SGCZ: variants seen among roughly 807,000 people sequenced by gnomAD.
The protein encoded by SGCZ is zeta-sarcoglycan.
In SGCZ, 40 loss-of-function variants were observed where a neutral mutation model predicts 41.3. The ratio of observed to expected loss-of-function variants is 0.97; its 90% CI spans 0.75 to 1.26. The LOEUF is 1.26. Among genes scored for constraint, SGCZ ranks in the 50% most tolerant of loss-of-function variants. The pLI, the probability that SGCZ is intolerant of heterozygous loss-of-function variation, is 0.00. For missense variants in SGCZ, 552 were observed against 369.8 expected, an observed-to-expected ratio of 1.49 and a Z score of -4.04; for synonymous variants, 206 against 137.5, an observed-to-expected ratio of 1.50 and a Z score of -3.49.
chr8:15,235,956 C>T (rs1030142733), intron 1 of SGCZ, among the ~76,000 whole-genome samples: 2 of 152,138 alleles, frequency 1.3e-5, no homozygotes, highest in African/African-American at 4.8e-5. Context: ...GGAATCTTTG[C>T]AAACATAAAG....
chr8:14,592,662 A>G (rs574017185), intron 1 of SGCZ, among the ~76,000 whole-genome samples: 3 of 152,228 alleles, frequency 2.0e-5, no homozygotes, highest in East Asian at 1.9e-4. Flanking sequence ...ATTAATAGTA[A>G]TAAAATTTCT....
intron 1 of SGCZ, among the ~76,000 whole-genome samples, chr8:14,723,911 T>C (rs532208294): frequency 6.6e-6 from 1 of 152,194 alleles, no homozygotes; most frequent in South Asian, 2.1e-4. Context: ...ATTGCCTTTA[T>C]AGCAACACAC....
intron 1 of SGCZ, among the ~76,000 whole-genome samples, chr8:14,585,948 T>C (rs759479481): frequency 1.1e-4 from 17 of 151,856 alleles, no homozygotes; most frequent in South Asian, 2.1e-4. Flanking sequence ...CAAAGAACAA[T>C]ATCAAAGAAA....
chr8:14,371,512 T>G (rs1193964644), intron 2 of SGCZ, among the ~76,000 whole-genome samples: 2 of 145,562 alleles, frequency 1.4e-5, no homozygotes, highest in Non-Finnish European at 3.2e-5. Flanking sequence ...AAATTTCGTA[T>G]GTAAATATAA....
intron 1 of SGCZ, among the ~76,000 whole-genome samples, chr8:14,897,898 G>A (rs1805260307): frequency 6.6e-6 from 1 of 152,078 alleles, no homozygotes; most frequent in South Asian, 2.1e-4. Flanking sequence ...CTATGTAGAA[G>A]GCACTATCCA....
At chr8:15,151,094 C>T (rs268380) in intron 1 of SGCZ, among the ~76,000 whole-genome samples, 13,472 of 152,318 alleles carry the variant, frequency 0.088, 782 homozygotes, top group South Asian at 0.13. Flanking sequence ...GCACACACTT[C>T]GCTGGAGCGG....
chr8:14,245,690 T>A (rs912278702), intron 3 of SGCZ, among the ~76,000 whole-genome samples: 9 of 152,070 alleles, frequency 5.9e-5, no homozygotes, highest in Non-Finnish European at 1.2e-4. Flanking sequence ...TTTCACAACC[T>A]ACTCATCTGA....
At position 15,226,327 on chromosome 8, in the gene SGCZ, A is replaced by G. The variant is rs547835996; in HGVS notation, c.39+11258T>C. Among the ~76,000 whole-genome samples the G allele has an allele frequency of 3.3e-5, 5 of 152,338 alleles. No individual in the cohort carries two copies. The East Asian group carries it at 9.7e-4, about 29-fold the overall frequency. Reference sequence around the variant, plus strand: ...TCTGACCAAACTGTCAAAAATACAGAAAATCAGCTAAGGAGATTGTTAAGC... The same window carrying G: ...TCTGACCAAACTGTCAAAAATACAGGAAATCAGCTAAGGAGATTGTTAAGC... On this transcript the variant is annotated intron_variant, in intron 1 of 7. Coordinates refer to ENST00000382080, the MANE Select transcript of SGCZ (RefSeq NM_139167.4).
At chr8:14,179,531 T>G (rs1260482842) in intron 4 of SGCZ, among the ~76,000 whole-genome samples, 1 of 152,146 alleles carries the variant, frequency 6.6e-6, no homozygotes, top group Non-Finnish European at 1.5e-5. Flanking sequence ...TTTGCCCACC[T>G]CAGTCTCCCT....
intron 2 of SGCZ, among the ~76,000 whole-genome samples, chr8:14,442,723 C>T (rs1248096118): frequency 6.6e-6 from 1 of 152,160 alleles, no homozygotes; most frequent in Non-Finnish European, 1.5e-5. Flanking sequence ...GTTTCTCCAA[C>T]ATCTTCTGAT....
At position 14,086,408 on chromosome 8, in the gene SGCZ, A is replaced by G. The variant is rs1315736014; in HGVS notation, c.*4035T>C. On this transcript the variant is annotated 3_prime_UTR_variant, in exon 8 of 8. Coordinates refer to ENST00000382080, the MANE Select transcript of SGCZ (RefSeq NM_139167.4). ...ATTTATTAGGAGTTTTATTGTATCA[A>G]ATGCTATTTTTGTAAAACGAGGCAT... Among the ~76,000 whole-genome samples, 1 of 151,654 alleles carries G rather than the reference A, an allele frequency of 6.6e-6. No individual in the cohort carries two copies. Among genetic ancestry groups the G allele is most frequent in the Non-Finnish European group, 1.5e-5 (1 of 67,732 alleles).
rs10888084 is a variant in SGCZ, at chr8:14,128,575, A to C, written c.548-20340T>G. ...GTATCTACCTAAGGGAAAGTAAATC[A>C]TTTTATCAAAAATACTTGTAACTAC... On this transcript the variant is annotated intron_variant, in intron 5 of 7. Coordinates refer to ENST00000382080, the MANE Select transcript of SGCZ (RefSeq NM_139167.4). Among the ~76,000 whole-genome samples the C allele has an allele frequency of 6.4e-3, 974 of 152,090 alleles. 7 individuals carry two copies. Among genetic ancestry groups the C allele is most frequent in the African/African-American group, 0.022 (925 of 41,486 alleles).
At chr8:14,214,712 G>C (rs1359612178) in intron 4 of SGCZ, among the ~76,000 whole-genome samples, 1 of 151,804 alleles carries the variant, frequency 6.6e-6, no homozygotes, top group Non-Finnish European at 1.5e-5. Flanking sequence ...TTTAAAAAAA[G>C]CAGGAATATC....
intron 1 of SGCZ, among the ~76,000 whole-genome samples, chr8:14,744,191 A>G (rs571993147): frequency 1.4e-4 from 21 of 152,322 alleles, no homozygotes; most frequent in Admixed American, 1.1e-3. Flanking sequence ...GGAAAAGAGC[A>G]GAGATAAAGA....
chr8:14,403,203 G>A (rs1242178785), intron 2 of SGCZ, among the ~76,000 whole-genome samples: 1 of 150,110 alleles, frequency 6.7e-6, no homozygotes, highest in Non-Finnish European at 1.5e-5. Flanking sequence ...AGACGATGGG[G>A]TTTTCTAGAT....
intron 1 of SGCZ, among the ~76,000 whole-genome samples, chr8:14,862,501 G>C (rs2130682600): frequency 7.4e-6 from 1 of 134,458 alleles, no homozygotes; most frequent in East Asian, 2.3e-4. Context: ...AAATTTCCAA[G>C]TCGCCTTTTA....
At chr8:14,977,969 G>C (rs910424023) in intron 1 of SGCZ, among the ~76,000 whole-genome samples, 1 of 150,878 alleles carries the variant, frequency 6.6e-6, no homozygotes, top group African/African-American at 2.4e-5. Flanking sequence ...GCATAAATTT[G>C]ATTCCATTTC....
chr8:15,176,486 C>G (rs1004650031), intron 1 of SGCZ, among the ~76,000 whole-genome samples: 15 of 152,032 alleles, frequency 9.9e-5, no homozygotes, highest in Admixed American at 9.8e-4. Context: ...TGTGAATATA[C>G]CAAGCGGTTT....
chr8:15,228,725 G>A (rs1444382532), intron 1 of SGCZ, among the ~76,000 whole-genome samples: 2 of 152,146 alleles, frequency 1.3e-5, no homozygotes, highest in African/African-American at 4.8e-5. Flanking sequence ...AGGTAGAGGT[G>A]TTAACCTAAG....
Sources: allele counts gnomAD v4.1 joint callset (sites outside exome capture counted in the v4.1 genomes callset), GRCh38; gene constraint gnomAD v4.1.1; transcripts MANE v1.5; gene names NCBI Gene and HGNC (gene_info 2026-07-23, HGNC 2026-07-21).